The following KCNAB1 variants were observed in gnomAD, a reference collection of about 807,000 sequenced individuals.
The protein encoded by KCNAB1 is voltage-gated potassium channel subunit beta-1.
KCNAB1 carries 35 observed loss-of-function variants against 64.6 expected under a neutral mutation model. The observed-to-expected ratio is 0.54, with a 90% CI of 0.41 to 0.72. KCNAB1 has a LOEUF of 0.72. KCNAB1 is among the 30% of genes least tolerant of loss of function. KCNAB1 has a pLI of 0.00. For missense variants in KCNAB1, 401 were observed against 512.9 expected (o/e 0.78, Z 2.11); for synonymous variants, 177 against 183.8 (o/e 0.96, Z 0.30).
chr3:156,245,345 A>G (rs560758591), intron 1 of KCNAB1, among the ~76,000 whole-genome samples: 29 of 152,330 alleles, frequency 1.9e-4, no homozygotes, highest in African/African-American at 6.3e-4. Context: ...CATGCAGTTA[A>G]AAGAACGATA....
intron 1 of KCNAB1, chr3:156,291,756 A>G: frequency 1.4e-6 from 2 of 1,465,186 alleles, no homozygotes; most frequent in Non-Finnish European, 1.8e-6. Context: ...TTGGCTCGAA[A>G]GTCAGCCGCC....
chr3:156,350,254 T>G (rs776872956), intron 1 of KCNAB1, among the ~76,000 whole-genome samples: 9 of 152,122 alleles, frequency 5.9e-5, no homozygotes, highest in Non-Finnish European at 1.3e-4. Flanking sequence ...TTGATCAGAT[T>G]AGTTAAGAGA....
At chr3:156,450,091 C>T (rs1268312201) in intron 2 of KCNAB1, among the ~76,000 whole-genome samples, 2 of 152,204 alleles carry the variant, frequency 1.3e-5, no homozygotes, top group Non-Finnish European at 2.9e-5. Flanking sequence ...TTACTGAATC[C>T]ATGGCTTCTC....
rs1469150814 is a variant in KCNAB1 at position 156,508,793 on chromosome 3, T to TGCTAGGGA, written c.659-5570_659-5563dup. Among the ~76,000 whole-genome samples, 2 of 152,184 alleles carry TGCTAGGGA rather than the reference T, an allele frequency of 1.3e-5. No individual in the cohort carries two copies. The highest frequency in any genetic ancestry group is 4.8e-5 in the African/African-American group (2 of 41,438). ...CAGCATTTATAGGGAGCCACCTGTG[T>TGCTAGGGA]GCTAGGGATACAGGGAGTATGTACG... is the stretch of plus-strand genomic sequence containing the variant. On this transcript the variant is annotated intron_variant, in intron 8 of 13. Transcript: ENST00000490337. This position sits in a 1 kb window ranked among gnomAD's most constrained non-coding sequence, Gnocchi z 4.1.
At chr3:156,464,659 C>T (rs1018537340) in intron 6 of KCNAB1, among the ~76,000 whole-genome samples, 19 of 152,112 alleles carry the variant, frequency 1.2e-4, no homozygotes, top group African/African-American at 4.3e-4. Context: ...CACTTGCAAA[C>T]ACATACTCTA....
chr3:156,182,391 T>C (rs1258160809), intron 1 of KCNAB1, among the ~76,000 whole-genome samples: 2 of 152,202 alleles, frequency 1.3e-5, no homozygotes, highest in Non-Finnish European at 2.9e-5. Context: ...TCAGGAGAGA[T>C]TGTGGGGCTT....
chr3:156,390,748 A>G (rs762044930), intron 1 of KCNAB1, among the ~76,000 whole-genome samples: 1 of 149,638 alleles, frequency 6.7e-6, no homozygotes, highest in Non-Finnish European at 1.5e-5. Context: ...ATGCCCGGCT[A>G]ATTTTTTTTT....
intron 1 of KCNAB1, among the ~76,000 whole-genome samples, chr3:156,127,282 A>AT (rs1377974190): frequency 2.0e-5 from 3 of 152,280 alleles, no homozygotes; most frequent in Admixed American, 6.5e-5. Context: ...CTATTAATTC[A>AT]TTTTTTGTTG....
intron 5 of KCNAB1, chr3:156,460,241 G>A (rs540116033): frequency 5.2e-4 from 96 of 185,608 alleles, no homozygotes; most frequent in Non-Finnish European, 9.0e-4. Context: ...ATTTATGTTT[G>A]CTGTTTATTT....
intron 8 of KCNAB1, among the ~76,000 whole-genome samples, chr3:156,483,738 CA>C: frequency 6.6e-6 from 1 of 152,190 alleles, no homozygotes; most frequent in East Asian, 1.9e-4. Context: ...TCAGGTCCGG[CA>C]AATCTTCCAG....
At chr3:156,456,517 A>G (rs969480160) in intron 3 of KCNAB1, among the ~76,000 whole-genome samples, 2 of 152,274 alleles carry the variant, frequency 1.3e-5, no homozygotes, top group African/African-American at 4.8e-5. Flanking sequence ...ATTATGCTAA[A>G]GAATCTGGAT....
chr3:156,190,340 A>T (rs1713484523), intron 1 of KCNAB1, among the ~76,000 whole-genome samples: 1 of 152,158 alleles, frequency 6.6e-6, no homozygotes, highest in South Asian at 2.1e-4. Flanking sequence ...AACATAAAAA[A>T]CTTAGCTCTA....
At chr3:156,494,167 G>A (rs1195359601) in intron 8 of KCNAB1, among the ~76,000 whole-genome samples, 2 of 152,084 alleles carry the variant, frequency 1.3e-5, no homozygotes, top group Admixed American at 6.6e-5. Flanking sequence ...GGGGAAGGGG[G>A]CAGATTGGCA....
chr3:156,372,558 G>C (rs1392311455), intron 1 of KCNAB1, among the ~76,000 whole-genome samples: 2 of 152,200 alleles, frequency 1.3e-5, no homozygotes, highest in Non-Finnish European at 2.9e-5. Context: ...CTGGTGGACA[G>C]GGTGCTACAC....
chr3:156,232,881 G>A (rs1716616450), intron 1 of KCNAB1, among the ~76,000 whole-genome samples: 1 of 152,156 alleles, frequency 6.6e-6, no homozygotes, highest in Admixed American at 6.5e-5. Flanking sequence ...CACAGAAATA[G>A]TAGAGAAAGT....
At chr3:156,365,275 C>G (rs1725874048) in intron 1 of KCNAB1, among the ~76,000 whole-genome samples, 1 of 152,184 alleles carries the variant, frequency 6.6e-6, no homozygotes. Context: ...GTAATAGTAC[C>G]TACCTCATAA....
At chr3:156,477,270 A>T (rs1714435539) in intron 8 of KCNAB1, among the ~76,000 whole-genome samples, 1 of 152,114 alleles carries the variant, frequency 6.6e-6, no homozygotes, top group Non-Finnish European at 1.5e-5. Flanking sequence ...GAAAATTTAC[A>T]TTTTTCCTGA....
At chr3:156,510,375 A>G (rs1322042612) in intron 8 of KCNAB1, among the ~76,000 whole-genome samples, 2 of 152,046 alleles carry the variant, frequency 1.3e-5, no homozygotes, top group African/African-American at 4.8e-5. Context: ...CATCTTGACA[A>G]AAGTGTCCTT....
chr3:156,151,029 A>C (rs1307239531), intron 1 of KCNAB1, among the ~76,000 whole-genome samples: 2 of 152,154 alleles, frequency 1.3e-5, no homozygotes, highest in African/African-American at 4.8e-5. Context: ...CTCATCCCCT[A>C]CCATCTTTCA....
Sources: gnomAD v4.1 joint callset for allele counts (sites outside exome capture counted in the v4.1 genomes callset) on GRCh38, gnomAD v4.1.1 for gene constraint, Gnocchi (gnomAD v3.1) non-coding constraint, MANE v1.5 for transcripts, NCBI Gene and HGNC (gene_info 2026-07-23, HGNC 2026-07-21) for gene names.